CDKAL1: variants seen among roughly 807,000 people sequenced by gnomAD.
CDKAL1 encodes CDKAL1 threonylcarbamoyladenosine tRNA methylthiotransferase.
A neutral mutation model predicts 68.2 loss-of-function variants in CDKAL1; 32 were observed. That is an observed-to-expected ratio of 0.47 (90% CI 0.35 to 0.63). The LOEUF is 0.63. Ranked by LOEUF, CDKAL1 falls within the 30% of genes least tolerant of loss-of-function variation. The pLI is 0.00. For synonymous variants in CDKAL1, 234 were observed against 244.3 expected, an observed-to-expected ratio of 0.96 and a Z score of 0.39; for missense variants, 606 against 696.7, an observed-to-expected ratio of 0.87 and a Z score of 1.47.
chr6:20,559,160 A>G (rs1296450522), intron 4 of CDKAL1: 2 of 152,230 alleles, frequency 1.3e-5, no homozygotes, highest in Non-Finnish European at 2.9e-5. Flanking sequence ...TGTGGTATTA[A>G]TTTTGATTTT....
At chr6:21,078,144 T>C (rs1177979326) in intron 12 of CDKAL1, among the ~76,000 whole-genome samples, 6 of 152,192 alleles carry the variant, frequency 3.9e-5, no homozygotes, top group Non-Finnish European at 7.3e-5. Flanking sequence ...AGAACTATAA[T>C]ATAATAAATT....
intron 4 of CDKAL1, among the ~76,000 whole-genome samples, chr6:20,625,603 G>A (rs1171828844): frequency 1.3e-5 from 2 of 152,078 alleles, no homozygotes; most frequent in Non-Finnish European, 2.9e-5. Flanking sequence ...AGTTTAATAA[G>A]CATTTAGAGT....
At chr6:21,128,782 T>C (rs1775142914) in intron 13 of CDKAL1, among the ~76,000 whole-genome samples, 1 of 152,232 alleles carries the variant, frequency 6.6e-6, no homozygotes, top group South Asian at 2.1e-4. Flanking sequence ...AAGTATATCA[T>C]TCAAGAGGAA....
intron 9 of CDKAL1, among the ~76,000 whole-genome samples, chr6:20,864,115 T>C (rs1254784145): frequency 6.6e-6 from 1 of 152,208 alleles, no homozygotes; most frequent in Admixed American, 6.5e-5. Context: ...AGCATTTGAA[T>C]GTTTTCAGCA....
intron 5 of CDKAL1, among the ~76,000 whole-genome samples, chr6:20,676,493 C>T (rs957066297): frequency 6.6e-6 from 1 of 151,844 alleles, no homozygotes. Context: ...TGGTGAAACC[C>T]CATCTCTACT....
chr6:20,953,504 T>G (rs574718058), intron 9 of CDKAL1, among the ~76,000 whole-genome samples: 1 of 152,350 alleles, frequency 6.6e-6, no homozygotes, highest in Non-Finnish European at 1.5e-5. Context: ...TTTTATAACC[T>G]CTTTCAGAAT....
At chr6:21,177,469 C>A (rs955885661) in intron 13 of CDKAL1, among the ~76,000 whole-genome samples, 1 of 152,136 alleles carries the variant, frequency 6.6e-6, no homozygotes, top group African/African-American at 2.4e-5. Context: ...GATTTAACTG[C>A]CTAATTCTGT....
chr6:20,758,971 G>A (rs1774351954), intron 7 of CDKAL1, among the ~76,000 whole-genome samples: 1 of 151,884 alleles, frequency 6.6e-6, no homozygotes, highest in African/African-American at 2.4e-5. Flanking sequence ...CAAGATCCTG[G>A]GATCTCTGGG....
Position 20,904,839 on chromosome 6 carries a change from G to A in CDKAL1, c.743-50580G>A, listed in dbSNP as rs183409690. 1.7e-3 allele frequency among the ~76,000 whole-genome samples: 253 copies of A among 151,932 alleles called. 1 individual carries two copies. Among genetic ancestry groups the A allele is most frequent in the African/African-American group, 5.8e-3 (239 of 41,450 alleles). On this transcript the variant is annotated intron_variant, in intron 9 of 15. Coordinates refer to ENST00000274695, the MANE Select transcript of CDKAL1 (RefSeq NM_017774.3). ...AGTCACTACATGTGGCCAGGAAGACGCACAGACTCAGAAAAGATGTGAGAG... is the reference window on the plus strand; with the variant it reads ...AGTCACTACATGTGGCCAGGAAGACACACAGACTCAGAAAAGATGTGAGAG...
intron 7 of CDKAL1, chr6:20,773,165 C>G (rs1775017499): frequency 6.6e-6 from 1 of 152,200 alleles, no homozygotes; most frequent in Non-Finnish European, 1.5e-5. Context: ...GTTTTCCAAT[C>G]TAGACTTGTG....
At chr6:20,720,411 TCTG>T (rs1301069339) in intron 5 of CDKAL1, among the ~76,000 whole-genome samples, 1 of 152,218 alleles carries the variant, frequency 6.6e-6, no homozygotes, top group African/African-American at 2.4e-5. Flanking sequence ...GCCTTCCTAC[TCTG>T]CTATCAAATA....
At chr6:20,631,902 C>T (rs1400185355) in intron 4 of CDKAL1, among the ~76,000 whole-genome samples, 1 of 152,210 alleles carries the variant, frequency 6.6e-6, no homozygotes, top group Non-Finnish European at 1.5e-5. Context: ...GCATGAATTC[C>T]AGTATCTAAA....
intron 4 of CDKAL1, among the ~76,000 whole-genome samples, chr6:20,554,503 A>C (rs1296047135): frequency 6.6e-6 from 1 of 152,248 alleles, no homozygotes; most frequent in Non-Finnish European, 1.5e-5. Context: ...AGGTCATTTG[A>C]GGCCAAATCT....
At chr6:20,994,669 G>GA (rs1305141672) in intron 10 of CDKAL1, among the ~76,000 whole-genome samples, 10 of 152,200 alleles carry the variant, frequency 6.6e-5, no homozygotes, top group Middle Eastern at 3.4e-3. Flanking sequence ...CAAGTTACGT[G>GA]AATTTTTTAG....
chr6:21,001,030 T>TTGACTGCCTTCTGTA (rs1211836629), intron 11 of CDKAL1, among the ~76,000 whole-genome samples: 3 of 152,378 alleles, frequency 2.0e-5, no homozygotes, highest in Middle Eastern at 3.4e-3. Context: ...TCACCAAACA[T>TTGACTGCCTTCTGTA]TGACTGCCTT....
At chr6:21,223,966 G>A (rs949070745) in intron 15 of CDKAL1, among the ~76,000 whole-genome samples, 3 of 152,138 alleles carry the variant, frequency 2.0e-5, no homozygotes, top group African/African-American at 7.2e-5. Context: ...TCCTAGAGGC[G>A]CCCTATCCCT....
chr6:20,601,464 T>C (rs941082443), intron 4 of CDKAL1, among the ~76,000 whole-genome samples: 1 of 152,194 alleles, frequency 6.6e-6, no homozygotes, highest in African/African-American at 2.4e-5. Flanking sequence ...TGGTAAGTAG[T>C]GATTAAAGTT....
At chr6:21,151,945 G>C (rs753977121) in intron 13 of CDKAL1, among the ~76,000 whole-genome samples, 1 of 152,076 alleles carries the variant, frequency 6.6e-6, no homozygotes, top group African/African-American at 2.4e-5. Context: ...TTCAGCCTTT[G>C]CCATTTTCAA....
intron 5 of CDKAL1, among the ~76,000 whole-genome samples, chr6:20,663,031 A>G (rs1012582171): frequency 1.3e-5 from 2 of 152,096 alleles, no homozygotes; most frequent in African/African-American, 4.8e-5. Context: ...TTGGTGTCAA[A>G]TGGTTATTGC....
Sources: gnomAD v4.1 joint callset for allele counts (sites outside exome capture counted in the v4.1 genomes callset) on GRCh38, gnomAD v4.1.1 for gene constraint, MANE v1.5 for transcripts, NCBI Gene and HGNC (gene_info 2026-07-23, HGNC 2026-07-21) for gene names.